Variants in CAPN5 observed in about 807,000 individuals in gnomAD.
The protein encoded by CAPN5 is calpain-5.
In CAPN5, 54 loss-of-function variants were observed where a neutral mutation model predicts 73.0. The ratio of observed to expected loss-of-function variants is 0.74; its 90% CI spans 0.59 to 0.93. The LOEUF (loss-of-function observed/expected upper bound fraction) is 0.93. Among genes scored for constraint, CAPN5 ranks in the 40% least tolerant of loss-of-function variants. The pLI is 0.00. For synonymous variants in CAPN5, 335 were observed against 356.9 expected (o/e 0.94, Z 0.69); for missense variants, 785 against 882.9 (o/e 0.89, Z 1.41).
At chr11:77,103,187 T>C in intron 3 of CAPN5, 1 of 1,613,664 alleles carries the variant, frequency 6.2e-7, no homozygotes, top group Non-Finnish European at 8.5e-7. Context: ...ATGCCATAGA[T>C]TGGAATGAGG....
intron 1 of CAPN5, among the ~76,000 whole-genome samples, chr11:77,082,980 G>T (rs1950043295): frequency 6.6e-6 from 1 of 152,208 alleles, no homozygotes; most frequent in Non-Finnish European, 1.5e-5. Context: ...TGGTGCTAAT[G>T]CTGCTCCTCG....
intron 3 of CAPN5, among the ~76,000 whole-genome samples, chr11:77,098,451 C>G (rs1299503002): frequency 1.0e-4 from 10 of 97,558 alleles, no homozygotes; most frequent in African/African-American, 4.3e-4. Context: ...TAGGGGCGGC[C>G]GGGCAGAGGC....
At chr11:77,092,134 G>A (rs555685258) in intron 2 of CAPN5, among the ~76,000 whole-genome samples, 3 of 152,284 alleles carry the variant, frequency 2.0e-5, no homozygotes, top group Non-Finnish European at 2.9e-5. Flanking sequence ...CCAGAGGATC[G>A]CTTGAGCCTA....
At chr11:77,119,743 T>A (rs1338240903) in intron 9 of CAPN5, 1 of 155,972 alleles carries the variant, frequency 6.4e-6, no homozygotes, top group Non-Finnish European at 1.4e-5. Context: ...AGAGGCTGGG[T>A]ACATGCTGAG....
At chr11:77,114,725 G>A (rs577081981) in intron 5 of CAPN5, among the ~76,000 whole-genome samples, 340 of 152,324 alleles carry the variant, frequency 2.2e-3, no homozygotes, top group Non-Finnish European at 4.0e-3. Context: ...TTTTGGATGA[G>A]AAAGCTGAGG....
At chr11:77,122,545 C>A (rs782229379) in intron 11 of CAPN5, 31 bp from the exon 12 acceptor site, 1 of 1,338,994 alleles carries the variant, frequency 7.5e-7, no homozygotes. Flanking sequence ...CCACCCCCAC[C>A]CTCACCCCAT....
chr11:77,099,878 C>T (rs112778669), intron 3 of CAPN5, among the ~76,000 whole-genome samples: 1,670 of 152,120 alleles, frequency 0.011, 35 homozygotes, highest in African/African-American at 0.038. Flanking sequence ...CTCTTGTCAC[C>T]CAGGCTAGAG....
intron 1 of CAPN5, chr11:77,071,716 T>C: frequency 2.3e-6 from 1 of 432,748 alleles, no homozygotes; most frequent in Middle Eastern, 4.3e-4. Context: ...GCCTGACATC[T>C]TGGGGCTCTG....
At chr11:77,108,077 G>A (rs551221089) in intron 3 of CAPN5, among the ~76,000 whole-genome samples, 13 of 152,316 alleles carry the variant, frequency 8.5e-5, no homozygotes, top group Admixed American at 2.0e-4. Context: ...GCCATGCACC[G>A]CAGTGGGTAA....
At chr11:77,068,677 A>G (rs1337455536) in intron 1 of CAPN5, among the ~76,000 whole-genome samples, 1 of 152,070 alleles carries the variant, frequency 6.6e-6, no homozygotes, top group Non-Finnish European at 1.5e-5. Flanking sequence ...AAGCAGGGAG[A>G]GGGCCCTCCC....
rs144201522 is a variant in CAPN5 at position 77,107,699 on chromosome 11, A to C, written c.298-4890A>C. 3.8e-3 allele frequency among the ~76,000 whole-genome samples: 576 copies of C among 152,198 alleles called. 3 individuals are homozygous for C. The highest frequency in any genetic ancestry group is 0.014 in the African/African-American group (562 of 41,514). On this transcript the variant is annotated intron_variant, in intron 3 of 12. Coordinates refer to ENST00000648180, the MANE Select transcript of CAPN5 (RefSeq NM_004055.5). Reference sequence around the variant, plus strand: ...TTCTGCCGTGGGTGGCCGTTGGTGGATCACATCCCAGGGGGTTATCAGGGA... The same window carrying C: ...TTCTGCCGTGGGTGGCCGTTGGTGGCTCACATCCCAGGGGGTTATCAGGGA...
intron 2 of CAPN5, among the ~76,000 whole-genome samples, chr11:77,092,118 C>T (rs1198981961): frequency 6.6e-6 from 1 of 152,152 alleles, no homozygotes; most frequent in South Asian, 2.1e-4. Context: ...ATTCGTGAGG[C>T]TTAGGCCAGA....
intron 1 of CAPN5, among the ~76,000 whole-genome samples, chr11:77,069,139 C>T (rs564456661): frequency 3.3e-5 from 5 of 152,316 alleles, no homozygotes; most frequent in East Asian, 3.9e-4. Flanking sequence ...CATCTCTGTA[C>T]CTTCCTACTT....
intron 9 of CAPN5, 83 bp downstream of exon 9, chr11:77,119,235 TCTAGAACAC>T: frequency 6.9e-7 from 1 of 1,454,808 alleles, no homozygotes; most frequent in Non-Finnish European, 9.3e-7. Flanking sequence ...GGAAGAACGC[TCTAGAACAC>T]CTTGGTCACT....
rs116748126 is a variant in CAPN5 at position 77,090,482 on chromosome 11, C to G, written c.166-3200C>G. ...CTGTGGTGCTTAGTGTTGGGAGACC[C>G]TGGTTGGGAGCCCAGCAGACCTAGG... On this transcript the variant is annotated intron_variant, in intron 2 of 12. Coordinates refer to ENST00000648180, the MANE Select transcript of CAPN5 (RefSeq NM_004055.5). Among the ~76,000 whole-genome samples the G allele has an allele frequency of 7.4e-3, 1,132 of 152,336 alleles. 13 individuals carry two copies. Among genetic ancestry groups the G allele is most frequent in the African/African-American group, 0.026 (1,067 of 41,582 alleles).
At chr11:77,119,556 C>G in intron 9 of CAPN5, 1 of 191,610 alleles carries the variant, frequency 5.2e-6, no homozygotes, top group Non-Finnish European at 1.1e-5. Context: ...CCTTGCTGGG[C>G]ACCAGGAGGA....
At chr11:77,121,882 G>A (rs1264468813) in intron 10 of CAPN5, 52 bp from the exon 11 acceptor site, 3 of 1,001,454 alleles carry the variant, frequency 3.0e-6, no homozygotes, top group Non-Finnish European at 4.4e-6. Flanking sequence ...CTTCACCCCT[G>A]TCTTCCTGGC....
chr11:77,078,993 A>G (rs575049699), intron 1 of CAPN5, among the ~76,000 whole-genome samples: 2 of 152,184 alleles, frequency 1.3e-5, no homozygotes, highest in South Asian at 4.1e-4. Flanking sequence ...GTTTTTTTAA[A>G]TCAGTGAGAT....
rs138592828 is a variant in CAPN5, at chr11:77,123,774, C to T, written c.1827C>T (p.Thr609=). Residue 609 remains threonine (T), a synonymous_variant, in exon 13 of 13, where the codon ACC becomes ACT. Coordinates refer to ENST00000648180, the MANE Select transcript of CAPN5 (RefSeq NM_004055.5). ...CGGACAACCTCCAGGCCCTGCATAC[C>T]CTCCACCTCCGGGACCGAAATAGCC... ...ADPDNLQALH[T]LHLRDRNSRQ... is the part of the protein sequence containing the mutation. 249 of 1,613,962 alleles carry T rather than the reference C, an allele frequency of 1.5e-4. No individual in the cohort carries two copies. In the African/African-American group the frequency reaches 3.0e-3, roughly 20 times the overall value.
Sources: allele counts gnomAD v4.1 joint callset (sites outside exome capture counted in the v4.1 genomes callset), GRCh38; gene constraint gnomAD v4.1.1; transcripts MANE v1.5; gene names NCBI Gene and HGNC (gene_info 2026-07-23, HGNC 2026-07-21).